HCN1: variants seen among roughly 807,000 people sequenced by gnomAD.
The protein encoded by HCN1 is hyperpolarization activated cyclic nucleotide gated potassium channel 1, also known as potassium/sodium hyperpolarization-activated cyclic nucleotide-gated channel 1.
Under a neutral mutation model 78.9 loss-of-function variants are expected in HCN1, and 13 were observed. That is an observed-to-expected ratio of 0.16 (90% CI 0.11 to 0.26). The LOEUF is 0.26. HCN1 is among the 10% of genes least tolerant of loss of function. The pLI is 1.00. For missense variants in HCN1, 810 were observed against 1,154.3 expected (o/e 0.70, Z 4.32); for synonymous variants, 552 against 455.5 (o/e 1.21, Z -2.70).
chr5:45,512,125 A>G (rs981174789), intron 2 of HCN1, among the ~76,000 whole-genome samples: 11 of 152,082 alleles, frequency 7.2e-5, no homozygotes, highest in African/African-American at 2.7e-4. Context: ...GATTCCTTCT[A>G]TCGTCACTTT....
At chr5:45,429,950 A>G (rs1421677232) in intron 3 of HCN1, among the ~76,000 whole-genome samples, 1 of 152,146 alleles carries the variant, frequency 6.6e-6, no homozygotes, top group African/African-American at 2.4e-5. Context: ...ATGATATCAA[A>G]GATGGATTTT....
At chr5:45,321,379 A>C in intron 5 of HCN1, among the ~76,000 whole-genome samples, 1 of 151,828 alleles carries the variant, frequency 6.6e-6, no homozygotes, top group East Asian at 1.9e-4. Flanking sequence ...AGTGGTGCTT[A>C]GAGAGAGGAA....
Position 45,262,356 on chromosome 5 carries a change from A to T in HCN1, c.2238T>A (p.Thr746=), listed in dbSNP as rs1270336664. The T allele has an allele frequency of 1.9e-6, 3 of 1,612,610 alleles. No individual in the cohort carries two copies. The South Asian group carries it at 3.3e-5, about 18-fold the overall frequency. ...GCTGCGGGGACGGCTGCTGTGGCTG[A>T]GTCTGCGGCGGCTGGGACTGCTGTA... ...QQVQQSQPPQ[T]QPQQPSPQPQ... is the part of the protein sequence containing the mutation. Residue 746 remains threonine (T), a synonymous_variant, in exon 8 of 8, where the codon ACT becomes ACA. Transcript: ENST00000303230.
intron 4 of HCN1, among the ~76,000 whole-genome samples, chr5:45,365,689 T>G (rs983683513): frequency 4.0e-5 from 6 of 151,890 alleles, no homozygotes; most frequent in Non-Finnish European, 8.8e-5. Context: ...TATTTATTTC[T>G]TTTTGGGTCA....
At chr5:45,420,053 A>G (rs1286136149) in intron 3 of HCN1, among the ~76,000 whole-genome samples, 5 of 152,194 alleles carry the variant, frequency 3.3e-5, no homozygotes, top group Non-Finnish European at 7.3e-5. Flanking sequence ...AACATCTATC[A>G]CTAATAAATC....
intron 3 of HCN1, among the ~76,000 whole-genome samples, chr5:45,428,168 G>C (rs540749252): frequency 1.3e-5 from 2 of 151,900 alleles, no homozygotes; most frequent in Admixed American, 1.3e-4. Context: ...CAAAGCACCT[G>C]GCATATGATA....
At chr5:45,392,130 A>G (rs555662370) in intron 4 of HCN1, among the ~76,000 whole-genome samples, 1 of 152,290 alleles carries the variant, frequency 6.6e-6, no homozygotes, top group South Asian at 2.1e-4. Context: ...TTTATTTTAA[A>G]TGAGCTGAAA....
intron 2 of HCN1, among the ~76,000 whole-genome samples, chr5:45,481,037 G>C (rs1741640821): frequency 6.6e-6 from 1 of 152,180 alleles, no homozygotes; most frequent in Non-Finnish European, 1.5e-5. Context: ...TCATGGCAGA[G>C]AATAGAACAG....
chr5:45,480,277 C>T (rs1051603825), intron 2 of HCN1: 1 of 152,276 alleles, frequency 6.6e-6, no homozygotes, highest in Admixed American at 6.5e-5. Context: ...TCTCTCCTGA[C>T]ACCCCATGCT....
At chr5:45,308,882 G>GT (rs756160733) in intron 5 of HCN1, among the ~76,000 whole-genome samples, 1 of 152,068 alleles carries the variant, frequency 6.6e-6, no homozygotes, top group South Asian at 2.1e-4. Context: ...TTTTAAAACA[G>GT]TTTTTTCTAG....
chr5:45,648,014 C>A (rs1036494272), intron 1 of HCN1, among the ~76,000 whole-genome samples: 8 of 152,020 alleles, frequency 5.3e-5, no homozygotes, highest in Admixed American at 3.9e-4. Context: ...ATTTTCTAAC[C>A]TGTTCAAAGA....
intron 2 of HCN1, among the ~76,000 whole-genome samples, chr5:45,604,922 T>C (rs543581556): frequency 1.3e-4 from 20 of 152,170 alleles, no homozygotes; most frequent in African/African-American, 4.6e-4. Flanking sequence ...ACTATTTTGC[T>C]GGTGGGGAGC....
chr5:45,323,284 G>T (rs181689544), intron 5 of HCN1, among the ~76,000 whole-genome samples: 12 of 151,990 alleles, frequency 7.9e-5, no homozygotes, highest in Non-Finnish European at 1.6e-4. Context: ...TATATTGATT[G>T]TGTGTTGAAA....
intron 3 of HCN1, among the ~76,000 whole-genome samples, chr5:45,444,936 A>G (rs1740757016): frequency 6.6e-6 from 1 of 152,134 alleles, no homozygotes; most frequent in Non-Finnish European, 1.5e-5. Context: ...GCTCCAGTCT[A>G]CAAGCTCCCA....
chr5:45,639,465 T>A (rs2112023427), intron 2 of HCN1, among the ~76,000 whole-genome samples: 1 of 152,326 alleles, frequency 6.6e-6, no homozygotes, highest in South Asian at 2.1e-4. Flanking sequence ...TTCATGGGCA[T>A]AAATAAGTCA....
intron 2 of HCN1, among the ~76,000 whole-genome samples, chr5:45,493,538 T>G (rs1741942651): frequency 6.6e-6 from 1 of 152,090 alleles, no homozygotes; most frequent in Non-Finnish European, 1.5e-5. Flanking sequence ...TTTCTACTTT[T>G]ATTAGAATAT....
intron 2 of HCN1, among the ~76,000 whole-genome samples, chr5:45,524,212 T>G (rs903687354): frequency 3.3e-5 from 5 of 152,208 alleles, no homozygotes; most frequent in Non-Finnish European, 5.9e-5. Flanking sequence ...TCTGTTCCAT[T>G]GATCTATATC....
intron 3 of HCN1, among the ~76,000 whole-genome samples, chr5:45,407,347 T>C (rs1739945334): frequency 6.6e-6 from 1 of 152,040 alleles, no homozygotes; most frequent in Admixed American, 6.6e-5. Flanking sequence ...ATAGCATATA[T>C]GATTATGTAT....
rs11354534 is a variant in HCN1, at chr5:45,567,214, A to AT, written c.849+77970dup. Among the ~76,000 whole-genome samples, 362 of 148,486 alleles carry AT rather than the reference A, an allele frequency of 2.4e-3. 5 individuals carry two copies. The highest frequency in any genetic ancestry group is 6.4e-3 in the South Asian group (30 of 4,710). On this transcript the variant is annotated intron_variant, in intron 2 of 7. Transcript: ENST00000303230. ...TGCCAGCATCACAGATTTTTCTTTC[A>AT]TTTTTTTTTTTGTCTTTCTACCTCC...
Sources: gnomAD v4.1 joint callset for allele counts (sites outside exome capture counted in the v4.1 genomes callset) on GRCh38, gnomAD v4.1.1 for gene constraint, MANE v1.5 for transcripts, NCBI Gene and HGNC (gene_info 2026-07-23, HGNC 2026-07-21) for gene names.